The following ARHGEF16 variants were observed in gnomAD, a reference collection of about 807,000 sequenced individuals.
The protein encoded by ARHGEF16 is Rho guanine exchange factor (GEF) 16.
A neutral mutation model predicts 74.1 loss-of-function variants in ARHGEF16; 59 were observed. That is an observed-to-expected ratio of 0.80 (90% CI 0.65 to 0.99). The LOEUF (loss-of-function observed/expected upper bound fraction) is 0.99. Ranked by LOEUF, ARHGEF16 falls within the 50% of genes least tolerant of loss-of-function variation. The pLI is 0.00. For missense variants in ARHGEF16, 948 were observed against 986.6 expected, an observed-to-expected ratio of 0.96 and a Z score of 0.52; for synonymous variants, 415 against 412.6, an observed-to-expected ratio of 1.01 and a Z score of -0.07.
chr1:3,469,836 G>A (rs553589120), intron 6 of ARHGEF16, among the ~76,000 whole-genome samples: 3 of 152,324 alleles, frequency 2.0e-5, no homozygotes, highest in African/African-American at 7.2e-5. Flanking sequence ...TTCTTAAGAC[G>A]TGGAGCACTT....
intron 14 of ARHGEF16, among the ~76,000 whole-genome samples, chr1:3,480,203 C>T (rs1412983705): frequency 6.6e-6 from 1 of 152,208 alleles, no homozygotes; most frequent in African/African-American, 2.4e-5. Flanking sequence ...AGGGCTCCTC[C>T]TCATGCCGGG....
intron 6 of ARHGEF16, 71 bp from the exon 7 acceptor site, chr1:3,473,007 T>C (rs550797805): frequency 6.6e-7 from 1 of 1,525,324 alleles, no homozygotes; most frequent in African/African-American, 1.4e-5. Flanking sequence ...TGCAGATGCA[T>C]GTCTGTGTGT....
chr1:3,472,806 A>C (rs1021069130), intron 6 of ARHGEF16: 3 of 448,272 alleles, frequency 6.7e-6, no homozygotes, highest in Non-Finnish European at 1.2e-5. Flanking sequence ...CCTGGACAAC[A>C]GAGGGACGGC....
intron 2 of ARHGEF16, 113 bp from the exon 3 acceptor site, chr1:3,466,035 G>A: frequency 8.4e-7 from 1 of 1,191,694 alleles, no homozygotes; most frequent in South Asian, 1.4e-5. Flanking sequence ...ACATCTATTG[G>A]GCACAGCTTC....
At chr1:3,479,390 A>T in intron 12 of ARHGEF16, 127 bp from the exon 13 acceptor site, 1 of 1,005,766 alleles carries the variant, frequency 9.9e-7, no homozygotes, top group Non-Finnish European at 1.4e-6. Flanking sequence ...CTGCCCAGCC[A>T]CTCCTGCCCA....
At chr1:3,478,168 T>A in intron 11 of ARHGEF16, 142 bp downstream of exon 11, 3 of 1,208,892 alleles carry the variant, frequency 2.5e-6, no homozygotes, top group Non-Finnish European at 3.5e-6. Context: ...GCACATGCTC[T>A]ACGTGACACT....
In ARHGEF16 at chr1:3,467,236, C is replaced by T; in HGVS notation, c.703C>T (p.Leu235Phe). Residue 235 changes from leucine to phenylalanine, a missense_variant, in exon 4 of 15, where the codon CTC becomes TTC. Physicochemically the swap from Leu to Phe is conservative, Grantham distance 22. Transcript: ENST00000378378. ...NTSQESDDDI[L>F]DESSSPEGTQ... ...CAGCCAGGAGTCTGATGACGACATCCTCGATGAGTCCTCCAGCCCCGAGGG... is the reference window on the plus strand; with the variant it reads ...CAGCCAGGAGTCTGATGACGACATCTTCGATGAGTCCTCCAGCCCCGAGGG... 2 of 1,550,600 alleles carry T rather than the reference C, an allele frequency of 1.3e-6. No individual in the cohort carries two copies. The highest frequency in any genetic ancestry group is 1.2e-5 in the South Asian group (1 of 84,066).
At chr1:3,462,002 C>G (rs965114079) in intron 1 of ARHGEF16, among the ~76,000 whole-genome samples, 1 of 151,902 alleles carries the variant, frequency 6.6e-6, no homozygotes, top group Non-Finnish European at 1.5e-5. Flanking sequence ...GCAGTAGTGT[C>G]AGGGGCAGGG....
intron 8 of ARHGEF16, 136 bp from the exon 9 acceptor site, chr1:3,474,572 T>A: frequency 1.3e-6 from 1 of 751,090 alleles, no homozygotes; most frequent in Non-Finnish European, 2.3e-6. Context: ...CTGTACGTGC[T>A]GTGGGGCCCT....
At position 3,472,913 on chromosome 1, in the gene ARHGEF16, G is replaced by A. The variant is rs1037119740; in HGVS notation, c.1023-165G>A. On this transcript the variant is annotated intron_variant, in intron 6 of 14. Coordinates refer to ENST00000378378, the MANE Select transcript of ARHGEF16 (RefSeq NM_014448.4). Reference sequence around the variant, plus strand: ...CCCTGCTGTCCAGCATCCCAGGTCCGGGTCCCGCCCCAAGTGCTTGCTGTG... The same window carrying A: ...CCCTGCTGTCCAGCATCCCAGGTCCAGGTCCCGCCCCAAGTGCTTGCTGTG... 6.9e-5 allele frequency: 11 copies of A among 158,402 alleles called. 1 individual carries two copies. In the South Asian group the frequency reaches 1.2e-3, roughly 17 times the overall value. The allele number at this position is 158,402 out of a possible 1,614,324, so 9.8% of individuals were successfully genotyped here.
intron 4 of ARHGEF16, chr1:3,468,621 C>T (rs1639615187): frequency 3.8e-6 from 2 of 526,978 alleles, no homozygotes; most frequent in East Asian, 3.3e-5. Context: ...CTCTGGATGC[C>T]CCATGCTCTT....
chr1:3,478,112 GC>G, intron 11 of ARHGEF16, 86 bp downstream of exon 11: 3 of 1,557,046 alleles, frequency 1.9e-6, no homozygotes, highest in East Asian at 4.5e-5. Flanking sequence ...CAGGGAGTTG[GC>G]CCTGAGCCCC....
Position 3,460,979 on chromosome 1 carries a change from A to C in ARHGEF16, c.-19-2087A>C, listed in dbSNP as rs368911495. 3.1e-3 allele frequency among the ~76,000 whole-genome samples: 474 copies of C among 152,254 alleles called. 1 individual carries two copies. Among genetic ancestry groups the C allele is most frequent in the Non-Finnish European group, 5.6e-3 (383 of 68,006 alleles). ...TCCCAGGTGCCCTGTGGACACTCCA[A>C]AGGTGCTAATCCAGGTCAGTTGTGT... is the stretch of plus-strand genomic sequence containing the variant. On this transcript the variant is annotated intron_variant, in intron 1 of 14. Transcript: ENST00000378378.
At chr1:3,470,689 GCAAGGGTGTCTGTGCATGGC>G (rs1639687913) in intron 6 of ARHGEF16, among the ~76,000 whole-genome samples, 2 of 150,918 alleles carry the variant, frequency 1.3e-5, no homozygotes, top group East Asian at 2.0e-4. Flanking sequence ...GTGTGCGTGG[GCAAGGGTGTCTGTGCATGGC>G]TGTGTGTGCG....
chr1:3,477,637 G>A (rs1015678824), intron 10 of ARHGEF16, among the ~76,000 whole-genome samples: 2 of 102,264 alleles, frequency 2.0e-5, no homozygotes, highest in African/African-American at 7.3e-5. Context: ...ACCCAGCCCT[G>A]GGCTATCGGG....
At chr1:3,471,313 C>T (rs1639715827) in intron 6 of ARHGEF16, among the ~76,000 whole-genome samples, 1 of 152,074 alleles carries the variant, frequency 6.6e-6, no homozygotes, top group South Asian at 2.1e-4. Context: ...CCTGTAGTGC[C>T]TGGCACAGGG....
intron 1 of ARHGEF16, among the ~76,000 whole-genome samples, chr1:3,459,464 T>C (rs1373403811): frequency 6.6e-6 from 1 of 152,162 alleles, no homozygotes; most frequent in African/African-American, 2.4e-5. Flanking sequence ...GTCCAAAAGA[T>C]GGCTCCCATG....
rs765692406 is a variant in ARHGEF16 at position 3,473,237 on chromosome 1, G to A, written c.1175+7G>A. 1.2e-6 allele frequency: 2 copies of A among 1,612,310 alleles called. No individual in the cohort carries two copies. Among genetic ancestry groups the A allele is most frequent in the Non-Finnish European group, 1.7e-6 (2 of 1,179,500 alleles). On this transcript the variant is annotated splice_region_variant and intron_variant, in intron 7 of 14. Transcript: ENST00000378378. ...GCACGCTGCAGAAGCTGATGTGAGT[G>A]GGCGGCCCCGAGGCCCGCAGGGTGG...
Position 3,469,894 on chromosome 1 carries a change from C to T in ARHGEF16, c.1022+301C>T, listed in dbSNP as rs545729502. Among the ~76,000 whole-genome samples the T allele has an allele frequency of 2.1e-4, 32 of 152,322 alleles. No homozygotes were observed. In the East Asian group the frequency reaches 2.7e-3, roughly 13 times the overall value. On this transcript the variant is annotated intron_variant, in intron 6 of 14. Coordinates refer to ENST00000378378, the MANE Select transcript of ARHGEF16 (RefSeq NM_014448.4). Reference sequence around the variant, plus strand: ...ACTGCCAAGCACCACCCCACCAGGACGTCCAGGCACAGAGGGCTGCATGAT... The same window carrying T: ...ACTGCCAAGCACCACCCCACCAGGATGTCCAGGCACAGAGGGCTGCATGAT...
Sources: gnomAD v4.1 joint callset for allele counts (sites outside exome capture counted in the v4.1 genomes callset) on GRCh38, gnomAD v4.1.1 for gene constraint, MANE v1.5 for transcripts, NCBI Gene and HGNC (gene_info 2026-07-23, HGNC 2026-07-21) for gene names.